The following KSR2 variants were observed in gnomAD, a reference collection of about 807,000 sequenced individuals.
The protein encoded by KSR2 is kinase suppressor of ras 2.
KSR2 carries 25 observed loss-of-function variants against 107.8 expected under a neutral mutation model. That is an observed-to-expected ratio of 0.23 (90% CI 0.17 to 0.32). The LOEUF (loss-of-function observed/expected upper bound fraction) is 0.32. Ranked by LOEUF, KSR2 falls within the 10% of genes least tolerant of loss-of-function variation. KSR2 has a pLI of 1.00. For missense variants in KSR2, 887 were observed against 1,268.9 expected (o/e 0.70, Z 4.57); for synonymous variants, 480 against 507.0 (o/e 0.95, Z 0.71).
chr12:117,746,037 C>A (rs973472445), intron 4 of KSR2, among the ~76,000 whole-genome samples: 2 of 152,122 alleles, frequency 1.3e-5, no homozygotes, highest in African/African-American at 4.8e-5. Context: ...ATGCTATTCC[C>A]ATCAAGCTAC....
At chr12:117,489,318 T>A (rs1333642498) in intron 14 of KSR2, among the ~76,000 whole-genome samples, 1 of 152,102 alleles carries the variant, frequency 6.6e-6, no homozygotes, top group African/African-American at 2.4e-5. Flanking sequence ...AGGTACGTTA[T>A]CCTTCCAAAA....
chr12:117,492,531 C>A (rs1017018792), intron 14 of KSR2, among the ~76,000 whole-genome samples: 2 of 152,222 alleles, frequency 1.3e-5, no homozygotes, highest in African/African-American at 4.8e-5. Context: ...CACTGCATCT[C>A]ATGGGGGCAC....
intron 16 of KSR2, among the ~76,000 whole-genome samples, chr12:117,479,749 G>A (rs1287099921): frequency 1.3e-5 from 2 of 152,200 alleles, no homozygotes; most frequent in East Asian, 3.9e-4. Context: ...TCCTGTGCTA[G>A]AAACTACTAC....
At chr12:117,826,099 A>G (rs1891740459) in intron 3 of KSR2, among the ~76,000 whole-genome samples, 1 of 152,066 alleles carries the variant, frequency 6.6e-6, no homozygotes, top group African/African-American at 2.4e-5. Context: ...GGAAGGAAAG[A>G]GCAAAGGGGA....
At chr12:117,799,217 A>G (rs996990283) in intron 3 of KSR2, among the ~76,000 whole-genome samples, 1 of 152,180 alleles carries the variant, frequency 6.6e-6, no homozygotes, top group African/African-American at 2.4e-5. Flanking sequence ...AATGGTCACA[A>G]TGGGCTGGGC....
At chr12:117,790,326 A>G (rs1211920784) in intron 3 of KSR2, among the ~76,000 whole-genome samples, 3 of 152,168 alleles carry the variant, frequency 2.0e-5, no homozygotes, top group Non-Finnish European at 4.4e-5. Context: ...TCAGTCCAGA[A>G]AGGTGGGACA....
At chr12:117,500,070 G>A (rs1304488507) in intron 14 of KSR2, among the ~76,000 whole-genome samples, 2 of 152,192 alleles carry the variant, frequency 1.3e-5, no homozygotes, top group African/African-American at 4.8e-5. Context: ...GGAGGTAAGA[G>A]GAAGGGGAGG....
chr12:117,528,461 T>C (rs1320207118), intron 12 of KSR2, among the ~76,000 whole-genome samples: 1 of 152,066 alleles, frequency 6.6e-6, no homozygotes, highest in Non-Finnish European at 1.5e-5. Context: ...CCATCCTCAT[T>C]TGGGGGACCT....
chr12:117,776,435 T>C (rs1006611020), intron 3 of KSR2, among the ~76,000 whole-genome samples: 8 of 152,168 alleles, frequency 5.3e-5, no homozygotes, highest in Admixed American at 4.6e-4. Flanking sequence ...AGTTGGGGTA[T>C]TTACTACAAC....
At chr12:117,509,867 G>A (rs770686711) in intron 14 of KSR2, among the ~76,000 whole-genome samples, 2 of 152,134 alleles carry the variant, frequency 1.3e-5, no homozygotes, top group Non-Finnish European at 2.9e-5. Context: ...AAGAGGACTC[G>A]AAGTCGAATC....
chr12:117,747,351 C>T (rs1430185264), intron 4 of KSR2, among the ~76,000 whole-genome samples: 12 of 150,784 alleles, frequency 8.0e-5, no homozygotes, highest in Non-Finnish European at 1.5e-5. Flanking sequence ...CAAACCACCA[C>T]ATGTTCTCAC....
At chr12:117,815,629 A>T (rs1247333874) in intron 3 of KSR2, among the ~76,000 whole-genome samples, 1 of 152,126 alleles carries the variant, frequency 6.6e-6, no homozygotes, top group East Asian at 1.9e-4. Context: ...TAAAGAGTGC[A>T]TGAAAAAAAA....
intron 3 of KSR2, among the ~76,000 whole-genome samples, chr12:117,848,667 C>T (rs1241741708): frequency 1.3e-5 from 2 of 150,984 alleles, no homozygotes; most frequent in African/African-American, 4.8e-5. Context: ...TGGAAGGGCC[C>T]CTTGGAGGAA....
chr12:117,560,772 G>C (rs1325298056), intron 7 of KSR2, among the ~76,000 whole-genome samples: 1 of 152,122 alleles, frequency 6.6e-6, no homozygotes, highest in Admixed American at 6.5e-5. Flanking sequence ...ACGGTAATCA[G>C]TAAGTTCTCA....
intron 4 of KSR2, among the ~76,000 whole-genome samples, chr12:117,670,482 C>T (rs2136495564): frequency 6.6e-6 from 1 of 152,322 alleles, no homozygotes; most frequent in Non-Finnish European, 1.5e-5. Context: ...CTCTCAACTG[C>T]ACCCACACCA....
chr12:117,669,507 A>G (rs1278324437), intron 4 of KSR2, among the ~76,000 whole-genome samples: 4 of 152,034 alleles, frequency 2.6e-5, no homozygotes, highest in Non-Finnish European at 4.4e-5. Flanking sequence ...ATAATAATGG[A>G]CAATACCTAA....
At position 117,901,724 on chromosome 12, in the gene KSR2, T is replaced by C. The variant is rs779862448; in HGVS notation, c.181-41293A>G. The stretch of plus-strand genomic sequence containing the variant: ...GCTGTTTTAAGACCTTACATTACCA[T>C]GCAATAAGAACCGTCATTTCCAGTC... On this transcript the variant is annotated intron_variant, in intron 1 of 19. Coordinates refer to ENST00000339824, the MANE Select transcript of KSR2 (RefSeq NM_173598.6). Among the ~76,000 whole-genome samples, 63 of 152,144 alleles carry C rather than the reference T, an allele frequency of 4.1e-4. 1 individual carries two copies. Among genetic ancestry groups the C allele is most frequent in the Non-Finnish European group, 4.9e-4 (33 of 68,036 alleles).
At chr12:117,636,359 A>G (rs1271407624) in intron 5 of KSR2, among the ~76,000 whole-genome samples, 1 of 140,062 alleles carries the variant, frequency 7.1e-6, no homozygotes, top group Admixed American at 7.2e-5. Flanking sequence ...ATATATATAT[A>G]TGGATATATG....
intron 3 of KSR2, among the ~76,000 whole-genome samples, chr12:117,853,498 A>G (rs1243286035): frequency 6.6e-6 from 1 of 152,018 alleles, no homozygotes. Flanking sequence ...GCATGCCACC[A>G]CACCCAGCTA....
Sources: gnomAD v4.1 joint callset for allele counts (sites outside exome capture counted in the v4.1 genomes callset) on GRCh38, gnomAD v4.1.1 for gene constraint, MANE v1.5 for transcripts, NCBI Gene and HGNC (gene_info 2026-07-23, HGNC 2026-07-21) for gene names.